The following BOD1L1 variants were observed in gnomAD, a reference collection of about 807,000 sequenced individuals.
BOD1L1 encodes the protein biorientation of chromosomes in cell division 1 like 1, also known as biorientation of chromosomes in cell division protein 1-like 1.
A neutral mutation model predicts 240.7 loss-of-function variants in BOD1L1; 86 were observed. That is an observed-to-expected ratio of 0.36 (90% CI 0.30 to 0.43). The LOEUF is 0.43. Among genes scored for constraint, BOD1L1 ranks in the 20% least tolerant of loss-of-function variants. The pLI, the probability that BOD1L1 is intolerant of heterozygous loss-of-function variation, is 1.00. For missense variants in BOD1L1, 3,554 were observed against 3,643.5 expected (o/e 0.98, Z 0.63); for synonymous variants, 1,268 against 1,272.3 (o/e 1.00, Z 0.07).
At chr4:13,581,088 C>A (rs1159382841) in intron 20 of BOD1L1, 34 bp from the exon 21 acceptor site, 4 of 1,562,016 alleles carry the variant, frequency 2.6e-6, no homozygotes, top group African/African-American at 2.7e-5. Context: ...AAAATCGGTT[C>A]GAAAATTTCT....
At chr4:13,620,214 C>T (rs1178231538) in intron 1 of BOD1L1, 147 bp from the exon 2 acceptor site, 1 of 792,700 alleles carries the variant, frequency 1.3e-6, no homozygotes, top group Admixed American at 3.3e-5. Context: ...TCAAATACTA[C>T]TTATTTTGTG....
rs199697209 is a variant in BOD1L1 at position 13,602,940 on chromosome 4, C to T, written c.3960G>A (p.Ala1320=). ...TTTGGTTAGGGAGAGCAGAGTGATC[C>T]GCAGGGGAGGTGCTGGCTGTGCTAC... ...LEGSTASTSP[A]DHSALPNQSL... is the part of the protein sequence containing the mutation. Residue 1320 remains alanine (A), a synonymous_variant, in exon 10 of 26, where the codon GCG becomes GCA. Transcript: ENST00000040738. The T allele has an allele frequency of 6.1e-4, 989 of 1,613,926 alleles. 11 individuals carry two copies. In the South Asian group the frequency reaches 9.5e-3, roughly 16 times the overall value.
chr4:13,568,881 A>G lies in BOD1L1; in HGVS notation c.*1130T>C, dbSNP rs921298854. On this transcript the variant is annotated 3_prime_UTR_variant, in exon 26 of 26. Transcript: ENST00000040738. ...TGTAAATTTTAATTATAAAACAAGAATATGAACAAAACATTTTAAAATAAT... is the reference window on the plus strand; with the variant it reads ...TGTAAATTTTAATTATAAAACAAGAGTATGAACAAAACATTTTAAAATAAT... 6.6e-6 allele frequency: 1 copy of G among 152,220 alleles called. No individual in the cohort carries two copies. Among genetic ancestry groups the G allele is most frequent in the African/African-American group, 2.4e-5 (1 of 41,458 alleles). The allele number at this position is 152,220 out of a possible 1,614,324, so 9.4% of individuals were successfully genotyped here. A position where few individuals can be genotyped will look rare whatever the true frequency, so the allele number is the denominator to read the frequency against.
chr4:13,624,426 T>A (rs989820194), intron 1 of BOD1L1: 2 of 152,186 alleles, frequency 1.3e-5, no homozygotes, highest in South Asian at 4.1e-4. Flanking sequence ...TTTTTAAAAA[T>A]TTTTGTTTTT....
chr4:13,601,565 C>T lies in BOD1L1; in HGVS notation c.5335G>A (p.Gly1779Ser). Reference sequence around the variant, plus strand: ...CCTTCTGTACCATCATTCACAGAACCATCTCCTTCTTGGCTGGCACTTGTT... The same window carrying T: ...CCTTCTGTACCATCATTCACAGAACTATCTCCTTCTTGGCTGGCACTTGTT... ...PGTSASQEGD[G>S]SVNDGTEGES... The change falls in exon 10 of 26, where the codon GGT becomes AGT. Residue 1779 changes from glycine to serine, a missense_variant. Coordinates refer to ENST00000040738, the MANE Select transcript of BOD1L1 (RefSeq NM_148894.3). The T allele has an allele frequency of 6.2e-7, 1 of 1,614,026 alleles. No homozygotes were observed. The highest frequency in any genetic ancestry group is 2.2e-5 in the East Asian group (1 of 44,884).
chr4:13,572,511 C>T (rs148233017), intron 25 of BOD1L1, among the ~76,000 whole-genome samples: 519 of 152,304 alleles, frequency 3.4e-3, no homozygotes, highest in Admixed American at 6.5e-3. Flanking sequence ...CAGTCCACTG[C>T]GGCAAGGCCA....
chr4:13,623,375 A>G (rs1199307066), intron 1 of BOD1L1: 1 of 152,172 alleles, frequency 6.6e-6, no homozygotes, highest in African/African-American at 2.4e-5. Flanking sequence ...TTGACAAGAG[A>G]GGTACCATAT....
chr4:13,599,945 T>A lies in BOD1L1; in HGVS notation c.6955A>T (p.Thr2319Ser). ...GCATCGCTCAAGTCTTCTACTCTTG[T>A]GATGGTGAGCCGATCTTCATCCTGG... ...VLQDEDRLTI[T>S]RVEDLSDAAI... Residue 2319 changes from threonine (T) to serine (S), a missense_variant, in exon 10 of 26, where the codon ACA becomes TCA. Transcript: ENST00000040738. 1 of 1,613,086 alleles carries A rather than the reference T, an allele frequency of 6.2e-7. No homozygotes were observed. Among genetic ancestry groups the A allele is most frequent in the Non-Finnish European group, 8.5e-7 (1 of 1,179,482 alleles).
chr4:13,609,779 G>A (rs1244632901), intron 6 of BOD1L1, among the ~76,000 whole-genome samples: 1 of 152,128 alleles, frequency 6.6e-6, no homozygotes, highest in African/African-American at 2.4e-5. Flanking sequence ...TATATAGGTA[G>A]GTGTTTATAA....
chr4:13,606,280 GA>G (rs572894047), intron 9 of BOD1L1, among the ~76,000 whole-genome samples: 42 of 152,208 alleles, frequency 2.8e-4, no homozygotes, highest in African/African-American at 9.4e-4. Context: ...TATCATAAAA[GA>G]AAGTTAAATA....
Position 13,603,534 on chromosome 4 carries a change from A to C in BOD1L1, c.3366T>G (p.Ile1122Met). 2 of 1,614,002 alleles carry C rather than the reference A, an allele frequency of 1.2e-6. No individual in the cohort carries two copies. Among genetic ancestry groups the C allele is most frequent in the Non-Finnish European group, 1.7e-6 (2 of 1,179,888 alleles). Residue 1122 changes from isoleucine to methionine, a missense_variant, in exon 10 of 26, where the codon ATT becomes ATG. Physicochemically the swap from Ile to Met is conservative, Grantham distance 10 (BLOSUM62 1). This residue lies in a region of BOD1L1 where 3,393 missense variants were observed against 3,427.1 expected (regional missense o/e 0.99). Coordinates refer to ENST00000040738, the MANE Select transcript of BOD1L1 (RefSeq NM_148894.3). ...CATTTTCAACACCTGGCTCAGAATCAATTTCCATTGGCTCTTGTTCAGGGA... is the reference window on the plus strand; with the variant it reads ...CATTTTCAACACCTGGCTCAGAATCCATTTCCATTGGCTCTTGTTCAGGGA... ...TLIPEQEPME[I>M]DSEPGVENVF...
chr4:13,621,030 T>C (rs190614485), intron 1 of BOD1L1, among the ~76,000 whole-genome samples: 41 of 152,250 alleles, frequency 2.7e-4, no homozygotes, highest in African/African-American at 8.2e-4. Context: ...CTACAATGCA[T>C]AGGACAATCC....
At position 13,600,688 on chromosome 4, in the gene BOD1L1, A is replaced by G; in HGVS notation, c.6212T>C (p.Leu2071Ser). ...LAGGKNQGKV[L>S]IISTSTTNDY... ...ATTTGTGGTACTGGTGGAAATAATC[A>G]AAACTTTGCCTTGATTTTTACCCCC... Residue 2071 changes from leucine (L) to serine (S), a missense_variant, in exon 10 of 26, where the codon TTG becomes TCG. Leu to Ser is a moderately radical substitution (Grantham distance 145, BLOSUM62 -2). Coordinates refer to ENST00000040738, the MANE Select transcript of BOD1L1 (RefSeq NM_148894.3). 1 of 1,614,016 alleles carries G rather than the reference A, an allele frequency of 6.2e-7. No homozygotes were observed. Among genetic ancestry groups the G allele is most frequent in the Non-Finnish European group, 8.5e-7 (1 of 1,179,896 alleles).
chr4:13,603,006 T>C lies in BOD1L1; in HGVS notation c.3894A>G (p.Pro1298=). The C allele has an allele frequency of 1.9e-6, 3 of 1,614,038 alleles. No homozygotes were observed. Among genetic ancestry groups the C allele is most frequent in the Non-Finnish European group, 1.7e-6 (2 of 1,179,882 alleles). ...TTTTGTCAAACAGAGGAATTACATC[T>C]GGATCATACGATTCCCTCAGAGGCA... ...TVVPLRESYD[P]DVIPLFDKRT... The change falls in exon 10 of 26, where the codon CCA becomes CCG. Residue 1298 remains proline (P), a synonymous_variant. Transcript: ENST00000040738.
intron 11 of BOD1L1, 59 bp from the exon 12 acceptor site, chr4:13,596,003 C>A (rs1714596120): frequency 2.1e-6 from 3 of 1,405,726 alleles, no homozygotes; most frequent in Non-Finnish European, 3.0e-6. Flanking sequence ...AGAAGACTAA[C>A]CTCAAGTGAA....
At chr4:13,592,354 C>T (rs1714283420) in intron 12 of BOD1L1, 1 of 163,778 alleles carries the variant, frequency 6.1e-6, no homozygotes, top group African/African-American at 2.4e-5. Context: ...AAGTTAGATC[C>T]TATCCCCTCC....
chr4:13,605,546 A>G (rs998238159), intron 9 of BOD1L1, among the ~76,000 whole-genome samples: 1 of 152,184 alleles, frequency 6.6e-6, no homozygotes, highest in East Asian at 1.9e-4. Context: ...TCCTTCCAGT[A>G]TATCACAGGC....
At chr4:13,578,744 G>C (rs1183548476) in intron 22 of BOD1L1, among the ~76,000 whole-genome samples, 1 of 152,186 alleles carries the variant, frequency 6.6e-6, no homozygotes, top group Non-Finnish European at 1.5e-5. Context: ...GTGTAGCTCT[G>C]CAAGTATTAT....
rs1414272050 is a variant in BOD1L1 at position 13,577,481 on chromosome 4, C to T, written c.8806G>A (p.Gly2936Ser). ...ACACTTGTTACTATTTTTTCTTCACCATCATCCTAGAAGCAATAAAATTAA... is the reference window on the plus strand; with the variant it reads ...ACACTTGTTACTATTTTTTCTTCACTATCATCCTAGAAGCAATAAAATTAA... ...LQERSISNDD[G>S]EEKIVTSVRR... The change falls in exon 24 of 26, where the codon GGT (glycine) becomes AGT (serine). Residue 2936 changes from glycine to serine, a missense_variant. By Grantham distance (56) the Gly-to-Ser change is moderately conservative. This residue lies in a region of BOD1L1 where 3,393 missense variants were observed against 3,427.1 expected (regional missense o/e 0.99). Transcript: ENST00000040738. 1 of 1,613,380 alleles carries T rather than the reference C, an allele frequency of 6.2e-7. No homozygotes were observed. The highest frequency in any genetic ancestry group is 8.5e-7 in the Non-Finnish European group (1 of 1,179,616).
Sources: allele counts gnomAD v4.1 joint callset (sites outside exome capture counted in the v4.1 genomes callset), GRCh38; gene constraint gnomAD v4.1.1; regional missense constraint gnomAD v4.1.1; transcripts MANE v1.5; gene names NCBI Gene and HGNC (gene_info 2026-07-23, HGNC 2026-07-21).